Variants in SHISA6 observed in about 807,000 individuals in gnomAD.
SHISA6 encodes the protein shisa family member 6, also known as protein shisa-6.
In SHISA6, 22 loss-of-function variants were observed where a neutral mutation model predicts 47.9. The observed-to-expected ratio is 0.46, with a 90% CI of 0.33 to 0.66. SHISA6 has a LOEUF of 0.66. Ranked by LOEUF, SHISA6 falls within the 30% of genes least tolerant of loss-of-function variation. SHISA6 has a pLI of 0.02. For missense variants in SHISA6, 680 were observed against 764.6 expected (o/e 0.89, Z 1.30); for synonymous variants, 388 against 337.8 (o/e 1.15, Z -1.63).
At chr17:11,432,382 C>T (rs1026896108) in intron 3 of SHISA6, among the ~76,000 whole-genome samples, 10 of 152,210 alleles carry the variant, frequency 6.6e-5, no homozygotes, top group Admixed American at 6.5e-4. Flanking sequence ...GATGTTTACA[C>T]TCAGCCTACT....
intron 3 of SHISA6, among the ~76,000 whole-genome samples, chr17:11,501,969 C>G (rs930628992): frequency 6.6e-6 from 1 of 152,134 alleles, no homozygotes. Flanking sequence ...ATAACAAATT[C>G]CTTTGTTTTT....
intron 3 of SHISA6, among the ~76,000 whole-genome samples, chr17:11,462,091 G>C (rs1236826847): frequency 1.3e-5 from 2 of 152,118 alleles, no homozygotes; most frequent in Non-Finnish European, 2.9e-5. Flanking sequence ...AGATCAGCTG[G>C]ATCATAATGA....
chr17:11,347,317 A>G (rs2142217562), intron 2 of SHISA6, among the ~76,000 whole-genome samples: 1 of 152,296 alleles, frequency 6.6e-6, no homozygotes, highest in East Asian at 1.9e-4. Flanking sequence ...CAGAAGTGGG[A>G]GAAGAACCAG....
At chr17:11,300,822 T>A (rs1320248372) in intron 2 of SHISA6, among the ~76,000 whole-genome samples, 3 of 151,992 alleles carry the variant, frequency 2.0e-5, no homozygotes, top group Non-Finnish European at 4.4e-5. Flanking sequence ...TAATTTCAGT[T>A]TGGGTGGTAG....
intron 3 of SHISA6, among the ~76,000 whole-genome samples, chr17:11,399,525 G>A (rs1312270998): frequency 8.5e-4 from 129 of 152,268 alleles, no homozygotes; most frequent in Non-Finnish European, 1.2e-4. Context: ...GGGTTCAAAC[G>A]ATTCTCCTGC....
At chr17:11,244,125 C>T (rs1907482930) in intron 1 of SHISA6, among the ~76,000 whole-genome samples, 1 of 152,156 alleles carries the variant, frequency 6.6e-6, no homozygotes, top group African/African-American at 2.4e-5. Flanking sequence ...GGCAGCTTCT[C>T]TCTGGGGTTG....
intron 2 of SHISA6, among the ~76,000 whole-genome samples, chr17:11,282,192 T>C (rs2321716): frequency 0.11 from 16,870 of 152,224 alleles, 1,166 homozygotes; most frequent in African/African-American, 0.19. Flanking sequence ...TTAACCTAAG[T>C]GCGTCTGCAG....
intron 3 of SHISA6, among the ~76,000 whole-genome samples, chr17:11,535,750 GA>G (rs1185554972): frequency 6.6e-6 from 1 of 152,158 alleles, no homozygotes; most frequent in Non-Finnish European, 1.5e-5. Context: ...TTTTTTGCGT[GA>G]CCTCCTTGGG....
intron 3 of SHISA6, among the ~76,000 whole-genome samples, chr17:11,447,594 C>G (rs1272338095): frequency 6.6e-6 from 1 of 152,210 alleles, no homozygotes; most frequent in African/African-American, 2.4e-5. Context: ...TACCCCACAC[C>G]CAGCTAAACG....
At chr17:11,297,498 A>G (rs1909791845) in intron 2 of SHISA6, among the ~76,000 whole-genome samples, 1 of 152,090 alleles carries the variant, frequency 6.6e-6, no homozygotes, top group South Asian at 2.1e-4. Flanking sequence ...CCCTGCATCC[A>G]CACTCCAAGC....
At chr17:11,293,683 G>C (rs1909632493) in intron 2 of SHISA6, among the ~76,000 whole-genome samples, 1 of 152,072 alleles carries the variant, frequency 6.6e-6, no homozygotes, top group South Asian at 2.1e-4. Flanking sequence ...CACACCAGCT[G>C]TATGATCTCG....
intron 3 of SHISA6, among the ~76,000 whole-genome samples, chr17:11,492,725 C>T (rs1329695728): frequency 6.6e-6 from 1 of 152,144 alleles, no homozygotes; most frequent in African/African-American, 2.4e-5. Flanking sequence ...GCAACCTCCT[C>T]CCTGAAGCCC....
chr17:11,443,783 A>T (rs1196580637), intron 3 of SHISA6, among the ~76,000 whole-genome samples: 1 of 152,196 alleles, frequency 6.6e-6, no homozygotes, highest in Non-Finnish European at 1.5e-5. Flanking sequence ...AAGTAGTGCT[A>T]TTACTTCTGA....
intron 2 of SHISA6, among the ~76,000 whole-genome samples, chr17:11,320,533 C>T (rs550902824): frequency 2.0e-5 from 3 of 152,232 alleles, no homozygotes; most frequent in Non-Finnish European, 4.4e-5. Context: ...TGGTGGGCAC[C>T]TGTAATCCCA....
chr17:11,250,356 G>A (rs1907753856), intron 1 of SHISA6, among the ~76,000 whole-genome samples: 1 of 152,230 alleles, frequency 6.6e-6, no homozygotes, highest in South Asian at 2.1e-4. Flanking sequence ...AGATGATGTA[G>A]AAATATTTGC....
At chr17:11,400,160 A>C (rs1363843594) in intron 3 of SHISA6, among the ~76,000 whole-genome samples, 1 of 152,134 alleles carries the variant, frequency 6.6e-6, no homozygotes, top group Non-Finnish European at 1.5e-5. Flanking sequence ...ACTTACTTGC[A>C]TGACTCTTGG....
intron 3 of SHISA6, among the ~76,000 whole-genome samples, chr17:11,495,377 G>A (rs921691017): frequency 1.3e-5 from 2 of 152,258 alleles, no homozygotes; most frequent in East Asian, 3.9e-4. Context: ...TAGCATGGGG[G>A]CCAGATGAAA....
At chr17:11,284,398 G>A (rs1429028378) in intron 2 of SHISA6, among the ~76,000 whole-genome samples, 2 of 152,082 alleles carry the variant, frequency 1.3e-5, no homozygotes. Flanking sequence ...ATTGCAACAT[G>A]GCTGCCCGAG....
chr17:11,451,415 G>A (rs181278595), intron 3 of SHISA6, among the ~76,000 whole-genome samples: 13 of 152,244 alleles, frequency 8.5e-5, no homozygotes, highest in South Asian at 8.3e-4. Context: ...TGTCAGAAAC[G>A]TTTATATGTT....
Sources: gnomAD v4.1 joint callset for allele counts (sites outside exome capture counted in the v4.1 genomes callset) on GRCh38, gnomAD v4.1.1 for gene constraint, MANE v1.5 for transcripts, NCBI Gene and HGNC (gene_info 2026-07-23, HGNC 2026-07-21) for gene names.